The following TULP2 variants were observed in gnomAD, a reference collection of about 807,000 sequenced individuals.
TULP2 encodes the protein tubby-related protein 2.
TULP2 carries 64 observed loss-of-function variants against 60.3 expected under a neutral mutation model. The ratio of observed to expected loss-of-function variants is 1.06; its 90% CI spans 0.87 to 1.31. TULP2 has a LOEUF of 1.31. Ranked by LOEUF, TULP2 falls within the 50% of genes most tolerant of loss-of-function variation. TULP2 has a pLI of 0.00. For missense variants in TULP2, 652 were observed against 667.0 expected (o/e 0.98, Z 0.25); for synonymous variants, 267 against 265.4 (o/e 1.01, Z -0.06).
chr19:48,887,385 C>T (rs2037191012), intron 8 of TULP2, among the ~76,000 whole-genome samples: 1 of 124,348 alleles, frequency 8.0e-6, no homozygotes, highest in African/African-American at 3.1e-5. Context: ...AGTGCAGTAG[C>T]GTGATCACAT....
chr19:48,881,391 T>A (rs1432226111), intron 12 of TULP2, among the ~76,000 whole-genome samples: 2 of 143,606 alleles, frequency 1.4e-5, no homozygotes, highest in African/African-American at 5.2e-5. Context: ...TTTTTTTTTT[T>A]TTTTTTTTGA....
chr19:48,897,474 T>C lies in TULP2; in HGVS notation c.33-78A>G, dbSNP rs1051162477. On this transcript the variant is annotated intron_variant, in intron 2 of 12. Transcript: ENST00000221399. This position sits in a 1 kb window ranked among gnomAD's most constrained non-coding sequence, Gnocchi z 4.0. The stretch of plus-strand genomic sequence containing the variant: ...AAGAGAGTCCCTCCTTCCCCCATCC[T>C]GCCCCTATCTCAGCTTGGGTTCTGG... The C allele has an allele frequency of 2.7e-6, 4 of 1,474,242 alleles. No homozygotes were observed. Among genetic ancestry groups the C allele is most frequent in the Middle Eastern group, 1.7e-4 (1 of 5,782 alleles). 91.3% of individuals were successfully genotyped at this position (1,474,242 alleles called of 1,614,324 possible).
intron 11 of TULP2, among the ~76,000 whole-genome samples, chr19:48,882,718 G>C (rs747452358): frequency 6.6e-6 from 1 of 152,168 alleles, no homozygotes; most frequent in East Asian, 1.9e-4. Flanking sequence ...GAAGTAACTT[G>C]TGGAATGTTG....
Position 48,895,155 on chromosome 19 carries a change from C to T in TULP2, c.357G>A (p.Arg119=). 1 of 1,613,258 alleles carries T rather than the reference C, an allele frequency of 6.2e-7. No individual in the cohort carries two copies. The highest frequency in any genetic ancestry group is 8.5e-7 in the Non-Finnish European group (1 of 1,179,716). The change falls in exon 6 of 13, where the codon AGG becomes AGA. Residue 119 remains arginine (R), a synonymous_variant. Transcript: ENST00000221399. Reference sequence around the variant, plus strand: ...AGAAAGGGGACTGGAGACCGAGATTCCTGAACACTGAGGAAGGAAGGAGGG... The same window carrying T: ...AGAAAGGGGACTGGAGACCGAGATTTCTGAACACTGAGGAAGGAAGGAGGG... ...LPTPRTEAVF[R]NLGLQSPFLS...
At chr19:48,891,911 C>T (rs572196507) in intron 6 of TULP2, among the ~76,000 whole-genome samples, 81 of 152,294 alleles carry the variant, frequency 5.3e-4, no homozygotes, top group Admixed American at 2.3e-3. Flanking sequence ...AGGAAAGGTG[C>T]TGTGCCTGGA....
intron 6 of TULP2, among the ~76,000 whole-genome samples, chr19:48,890,550 C>G (rs1194248660): frequency 6.6e-6 from 1 of 152,214 alleles, no homozygotes; most frequent in South Asian, 2.1e-4. Flanking sequence ...CCAAGTCTCT[C>G]GTTCCACCTA....
Position 48,888,271 on chromosome 19 carries a change from GC to G in TULP2, c.637-11del. On this transcript the variant is annotated splice_polypyrimidine_tract_variant and intron_variant, in intron 7 of 12. Coordinates refer to ENST00000221399, the MANE Select transcript of TULP2 (RefSeq NM_003323.3). ...TTTCCAAGTCTTCTTCCTAGCCCAG[GC>G]ACCAAATTTAAAGTCGAGGGACAAC... is the stretch of plus-strand genomic sequence containing the variant. The G allele has an allele frequency of 6.4e-7, 1 of 1,572,506 alleles. No individual in the cohort carries two copies. Among genetic ancestry groups the G allele is most frequent in the Non-Finnish European group, 8.7e-7 (1 of 1,155,324 alleles).
chr19:48,896,256 C>CTCT (rs941994667), intron 4 of TULP2, among the ~76,000 whole-genome samples, 174 bp downstream of exon 4: 1 of 152,206 alleles, frequency 6.6e-6, no homozygotes, highest in Admixed American at 6.5e-5. Flanking sequence ...CCCCACAAGC[C>CTCT]TCTCCCCTGG....
Position 48,884,054 on chromosome 19 carries a change from A to G in TULP2, c.1062-8T>C, listed in dbSNP as rs144320536. The G allele has an allele frequency of 1.9e-5, 30 of 1,610,934 alleles. No individual in the cohort carries two copies. The highest frequency in any genetic ancestry group is 3.3e-4 in the Middle Eastern group (2 of 6,058). ...GTGCTGAAGACATTGGATCTGCTCC[A>G]GGAAGGGAATGGATAGAATAAAAAT... On this transcript the variant is annotated splice_region_variant and splice_polypyrimidine_tract_variant and intron_variant, in intron 9 of 12. Transcript: ENST00000221399.
At position 48,889,586 on chromosome 19, in the gene TULP2, G is replaced by A. The variant is rs1369879485; in HGVS notation, c.560C>T (p.Ala187Val). The change falls in exon 7 of 13, where the codon GCA becomes GTA. Residue 187 changes from alanine (A) to valine (V), a missense_variant. By Grantham distance (64) the Ala-to-Val change is moderately conservative (BLOSUM62 0). Transcript: ENST00000221399. ...TGGTCCCATATTGGGTGACTTGTGT[G>A]CATCTCCCATATCCTGGGAGTCACT... ...GESDSQDMGD[A>V]HKSPNMGPNP... The A allele has an allele frequency of 1.3e-6, 2 of 1,586,910 alleles. No homozygotes were observed. Among genetic ancestry groups the A allele is most frequent in the Non-Finnish European group, 1.7e-6 (2 of 1,157,880 alleles).
chr19:48,892,734 G>A (rs1600017174), intron 6 of TULP2, among the ~76,000 whole-genome samples: 2 of 151,980 alleles, frequency 1.3e-5, no homozygotes, highest in Admixed American at 1.3e-4. Flanking sequence ...CTCGTGATCC[G>A]CCCGCCTCGG....
intron 6 of TULP2, among the ~76,000 whole-genome samples, chr19:48,892,924 CAA>C (rs143051860): frequency 6.2e-5 from 8 of 129,768 alleles, no homozygotes; most frequent in Admixed American, 8.1e-5. Context: ...GACTCCGTCT[CAA>C]AAAAAAAAAA....
At position 48,885,475 on chromosome 19, in the gene TULP2, T is replaced by C. The variant is rs139322445; in HGVS notation, c.1034A>G (p.Asp345Gly). The C allele has an allele frequency of 4.3e-5, 70 of 1,613,958 alleles. No homozygotes were observed. The African/African-American group carries it at 9.1e-4, about 21-fold the overall frequency. Reference sequence around the variant, plus strand: ...GACTTTGCCCACGAAATTGTCCCCGTCCCGAGATAGGTGTGTAGGATCCAG... The same window carrying C: ...GACTTTGCCCACGAAATTGTCCCCGCCCCGAGATAGGTGTGTAGGATCCAG... Reference protein sequence around the residue: ...ISLDPTHLSRDGDNFVGKVRS... With the variant: ...ISLDPTHLSRGGDNFVGKVRS... Residue 345 changes from aspartate to glycine, a missense_variant, in exon 9 of 13, where the codon GAC becomes GGC. Transcript: ENST00000221399.
intron 9 of TULP2, 124 bp downstream of exon 9, chr19:48,885,324 C>T (rs1444819354): frequency 1.4e-6 from 1 of 738,042 alleles, no homozygotes; most frequent in East Asian, 2.6e-5. Flanking sequence ...CGTTCCAAAC[C>T]CTTCAGTTCT....
At chr19:48,896,242 G>A (rs1249144578) in intron 4 of TULP2, among the ~76,000 whole-genome samples, 188 bp downstream of exon 4, 1 of 152,168 alleles carries the variant, frequency 6.6e-6, no homozygotes, top group Non-Finnish European at 1.5e-5. Flanking sequence ...CTGCCGCGGG[G>A]GGCCCCCACA....
chr19:48,894,905 T>TTA, intron 6 of TULP2, 93 bp downstream of exon 6: 1 of 1,463,432 alleles, frequency 6.8e-7, no homozygotes, highest in Non-Finnish European at 9.2e-7. Flanking sequence ...GGTTTGTGAA[T>TTA]TATACTTCAG....
intron 6 of TULP2, among the ~76,000 whole-genome samples, chr19:48,891,301 G>C (rs2037230675): frequency 7.5e-6 from 1 of 134,008 alleles, no homozygotes; most frequent in East Asian, 2.2e-4. Context: ...TCCAGCCTGG[G>C]CAACAGGGCG....
At position 48,895,032 on chromosome 19, in the gene TULP2, G is replaced by T; in HGVS notation, c.480C>A (p.Ile160=). 6.2e-7 allele frequency: 1 copy of T among 1,613,820 alleles called. No individual in the cohort carries two copies. Among genetic ancestry groups the T allele is most frequent in the South Asian group, 1.1e-5 (1 of 91,010 alleles). Residue 160 remains isoleucine (I), a synonymous_variant, in exon 6 of 13, where the codon ATC becomes ATA. Transcript: ENST00000221399. ...SPPPFKQSPR[I]RRKGWQAHQR... is the part of the protein sequence containing the mutation. ...GGTGGGCTTGCCAACCCTTGCGTCG[G>T]ATTCTCGGAGACTGTTTAAAAGGTG...
At chr19:48,886,757 G>T (rs1406640624) in intron 8 of TULP2, among the ~76,000 whole-genome samples, 1 of 150,068 alleles carries the variant, frequency 6.7e-6, no homozygotes, top group Non-Finnish European at 1.5e-5. Flanking sequence ...AGTGAGGGAG[G>T]GTCCAGACTA....
Sources: gnomAD v4.1 joint callset for allele counts (sites outside exome capture counted in the v4.1 genomes callset) on GRCh38, gnomAD v4.1.1 for gene constraint, Gnocchi (gnomAD v3.1) non-coding constraint, MANE v1.5 for transcripts, NCBI Gene and HGNC (gene_info 2026-07-23, HGNC 2026-07-21) for gene names.